The following PPP2R5C variants were observed in gnomAD, a reference collection of about 807,000 sequenced individuals.
The protein encoded by PPP2R5C is serine/threonine-protein phosphatase 2A 56 kDa regulatory subunit gamma isoform.
Under a neutral mutation model 68.9 loss-of-function variants are expected in PPP2R5C, and 7 were observed. The ratio of observed to expected loss-of-function variants is 0.10; its 90% CI spans 0.06 to 0.19. PPP2R5C has a LOEUF of 0.19. PPP2R5C is among the 10% of genes least tolerant of loss of function. The probability of loss-of-function intolerance (pLI) is 1.00; values close to 1 mark genes in which losing one functional copy is unlikely to be tolerated. For missense variants in PPP2R5C, 348 were observed against 641.3 expected, an observed-to-expected ratio of 0.54 and a Z score of 4.94; for synonymous variants, 210 against 222.2, an observed-to-expected ratio of 0.95 and a Z score of 0.49.
chr14:101,761,004 GAGAA>G (rs2036485040), upstream of PPP2R5C, among the ~76,000 whole-genome samples: 4 of 96,490 alleles, frequency 4.1e-5, no homozygotes, highest in African/African-American at 5.4e-5. Flanking sequence ...GGCTGGTCGA[GAGAA>G]GGGGAGGGCA....
intron 2 of PPP2R5C, among the ~76,000 whole-genome samples, chr14:101,784,193 A>C (rs1469175490): frequency 6.6e-6 from 1 of 152,160 alleles, no homozygotes. Context: ...ACCTTAGTAG[A>C]AAGTAAAGCA....
chr14:101,805,095 T>C (rs1180006797), upstream of PPP2R5C, among the ~76,000 whole-genome samples: 1 of 152,196 alleles, frequency 6.6e-6, no homozygotes, highest in Non-Finnish European at 1.5e-5. Flanking sequence ...TTTTTGTTTT[T>C]TAGGGTCTGT....
chr14:101,867,052 A>G (rs1251789467), intron 2 of PPP2R5C, among the ~76,000 whole-genome samples: 1 of 152,110 alleles, frequency 6.6e-6, no homozygotes, highest in East Asian at 1.9e-4. Context: ...CCCTGTCTCT[A>G]CTAAAATTAC....
At chr14:101,760,943 G>A (rs1255957962), upstream of PPP2R5C, among the ~76,000 whole-genome samples, 5 of 108,572 alleles carry the variant, frequency 4.6e-5, no homozygotes, top group African/African-American at 1.5e-4. Flanking sequence ...GAGGGAAGAG[G>A]AGGGGAGGGG....
intron 1 of PPP2R5C, chr14:101,824,481 C>T (rs2040278067): frequency 5.7e-6 from 1 of 175,014 alleles, no homozygotes; most frequent in African/African-American, 2.4e-5. Context: ...CTTCCTCATT[C>T]TTTGCTTTTG....
At chr14:101,864,075 C>T (rs2042916592) in intron 2 of PPP2R5C, among the ~76,000 whole-genome samples, 1 of 152,078 alleles carries the variant, frequency 6.6e-6, no homozygotes, top group African/African-American at 2.4e-5. Context: ...TCGTCAGTTC[C>T]CCCAGAGAAC....
At chr14:101,925,053 C>A (rs963009153) in intron 13 of PPP2R5C, 88 bp from the exon 16 acceptor site, 36 of 1,482,352 alleles carry the variant, frequency 2.4e-5, no homozygotes, top group Admixed American at 7.0e-5. Context: ...ACGTGCCTCG[C>A]GGTTATCCTT....
rs75563323 is a variant in PPP2R5C at position 101,835,567 on chromosome 14, C to A, written c.95-21119C>A. Among the ~76,000 whole-genome samples, 1,405 of 152,294 alleles carry A rather than the reference C, an allele frequency of 9.2e-3. 12 individuals carry two copies. The highest frequency in any genetic ancestry group is 0.032 in the African/African-American group (1,325 of 41,562). ...GCCCATGTCAAATTTGTATTAGGAA[C>A]CATTGATTTCAATTCACGGGCTTTT... On this transcript the variant is annotated intron_variant, in intron 1 of 13. Coordinates refer to ENST00000334743, the Ensembl canonical transcript of PPP2R5C. The surrounding 1 kb of genome is among the most constrained non-coding windows in gnomAD (Gnocchi z 5.0).
chr14:101,778,509 A>T (rs566971454), intron 2 of PPP2R5C, among the ~76,000 whole-genome samples: 12 of 152,126 alleles, frequency 7.9e-5, no homozygotes, highest in Non-Finnish European at 4.4e-5. Context: ...TTACCTTTGT[A>T]TTCTTCTAAG....
At chr14:101,849,742 C>A (rs187139388) in intron 1 of PPP2R5C, among the ~76,000 whole-genome samples, 194 of 98,384 alleles carry the variant, frequency 2.0e-3, no homozygotes, top group Non-Finnish European at 2.6e-3. Context: ...TCTTTTTTGT[C>A]CCTGTGTACC....
At chr14:101,786,293 C>T in intron 3 of PPP2R5C, 110 bp downstream of exon 3, 2 of 999,586 alleles carry the variant, frequency 2.0e-6, no homozygotes, top group African/African-American at 1.7e-5. Context: ...TTTGTGGGGT[C>T]ATCTTTTCTG....
intron 2 of PPP2R5C, among the ~76,000 whole-genome samples, chr14:101,767,892 C>T (rs2036941173): frequency 6.6e-6 from 1 of 152,146 alleles, no homozygotes; most frequent in African/African-American, 2.4e-5. Context: ...TGGGTTCTTC[C>T]TTAGGCAGCT....
chr14:101,818,560 G>A lies in PPP2R5C; in HGVS notation c.94+8524G>A, dbSNP rs2039856139. On this transcript the variant is annotated intron_variant, in intron 1 of 13. Coordinates refer to ENST00000334743, the Ensembl canonical transcript of PPP2R5C. Reference sequence around the variant, plus strand: ...TGAGGCAGGAGAATCACTTAAACCTGGAGACGGAGGTTGCAGTGAGCCGAG... The same window carrying A: ...TGAGGCAGGAGAATCACTTAAACCTAGAGACGGAGGTTGCAGTGAGCCGAG... The A allele has an allele frequency of 3.8e-5, 6 of 159,316 alleles. No individual in the cohort carries two copies. The South Asian group carries it at 1.0e-3, about 27-fold the overall frequency. 9.9% of individuals were successfully genotyped at this position (159,316 alleles called of 1,614,324 possible).
At chr14:101,804,123 G>C (rs2038980874) in intron 3 of PPP2R5C, among the ~76,000 whole-genome samples, 2 of 152,182 alleles carry the variant, frequency 1.3e-5, no homozygotes, top group African/African-American at 4.8e-5. Context: ...ATGAAAAGGT[G>C]CTCAACATCA....
At chr14:101,921,374 T>C (rs1400790055) in intron 13 of PPP2R5C, 1 of 153,408 alleles carries the variant, frequency 6.5e-6, no homozygotes, top group Admixed American at 6.5e-5. Flanking sequence ...AATAAACTTT[T>C]CTTAAGTTGA....
At chr14:101,766,024 A>G (rs2036843174) in intron 2 of PPP2R5C, 1 of 152,282 alleles carries the variant, frequency 6.6e-6, no homozygotes, top group Non-Finnish European at 1.5e-5. Flanking sequence ...GGACCTGTCC[A>G]GGGCAGAGCA....
chr14:101,850,587 T>A (rs2042098411), intron 1 of PPP2R5C, among the ~76,000 whole-genome samples: 1 of 152,154 alleles, frequency 6.6e-6, no homozygotes, highest in East Asian at 1.9e-4. Flanking sequence ...TAAAGGGCCA[T>A]GAGCAGTGAA....
intron 13 of PPP2R5C, chr14:101,921,985 T>C (rs1269100038): frequency 2.0e-6 from 2 of 985,090 alleles, no homozygotes; most frequent in African/African-American, 3.5e-5. Flanking sequence ...TTTTAACAGT[T>C]GGTCGGGAGA....
intron 1 of PPP2R5C, among the ~76,000 whole-genome samples, chr14:101,814,208 G>A (rs1023934384): frequency 6.6e-6 from 1 of 152,188 alleles, no homozygotes; most frequent in African/African-American, 2.4e-5. Flanking sequence ...AATTAAACCA[G>A]TGATCCTCTG....
Sources: allele counts gnomAD v4.1 joint callset (sites outside exome capture counted in the v4.1 genomes callset), GRCh38; gene constraint gnomAD v4.1.1; non-coding constraint Gnocchi (gnomAD v3.1); transcripts MANE v1.5; gene names NCBI Gene and HGNC (gene_info 2026-07-23, HGNC 2026-07-21).